Variants in GRID2 observed in about 807,000 individuals in gnomAD.
GRID2 encodes the protein glutamate ionotropic receptor delta type subunit 2.
A neutral mutation model predicts 114.8 loss-of-function variants in GRID2; 33 were observed. The observed-to-expected ratio is 0.29, with a 90% CI of 0.22 to 0.38. GRID2 has a LOEUF of 0.38. GRID2 is among the 10% of genes least tolerant of loss of function. The pLI is 1.00. For missense variants in GRID2, 1,184 were observed against 1,257.7 expected, an observed-to-expected ratio of 0.94 and a Z score of 0.89; for synonymous variants, 505 against 449.9, an observed-to-expected ratio of 1.12 and a Z score of -1.55.
intron 14 of GRID2, among the ~76,000 whole-genome samples, chr4:93,731,146 A>C (rs973667364): frequency 6.6e-6 from 1 of 152,320 alleles, no homozygotes; most frequent in Non-Finnish European, 1.5e-5. Flanking sequence ...TTTGTAAAAA[A>C]ACTTTGCTAA....
intron 8 of GRID2, among the ~76,000 whole-genome samples, chr4:93,308,979 C>T (rs1263297655): frequency 1.3e-5 from 2 of 152,208 alleles, no homozygotes; most frequent in East Asian, 3.9e-4. Flanking sequence ...GCCACACTAT[C>T]TAAAATGTTC....
intron 10 of GRID2, among the ~76,000 whole-genome samples, chr4:93,424,957 C>T (rs960942317): frequency 1.1e-4 from 16 of 152,068 alleles, no homozygotes; most frequent in African/African-American, 3.6e-4. Context: ...TAAGTCCTTT[C>T]AGTAGCTTTT....
chr4:93,682,134 A>C (rs1027899427), intron 14 of GRID2, among the ~76,000 whole-genome samples: 2 of 151,566 alleles, frequency 1.3e-5, no homozygotes, highest in Non-Finnish European at 2.9e-5. Context: ...ATGAACAGAC[A>C]CTTCTCAAAA....
intron 2 of GRID2, among the ~76,000 whole-genome samples, chr4:92,983,163 C>A (rs1754321422): frequency 6.6e-6 from 1 of 151,986 alleles, no homozygotes; most frequent in Admixed American, 6.6e-5. Context: ...ACACAAAATA[C>A]AACAATATTG....
chr4:93,275,431 C>T (rs1373996185), intron 8 of GRID2, among the ~76,000 whole-genome samples: 2 of 148,042 alleles, frequency 1.4e-5, no homozygotes, highest in South Asian at 2.1e-4. Context: ...TGGATATATA[C>T]ATATATATAT....
intron 14 of GRID2, among the ~76,000 whole-genome samples, chr4:93,693,336 C>T (rs1279742855): frequency 1.3e-5 from 2 of 152,064 alleles, no homozygotes; most frequent in South Asian, 2.1e-4. Context: ...TCTGCTTCGC[C>T]GTACTAGAAA....
chr4:93,685,006 T>C (rs1211757789), intron 14 of GRID2, among the ~76,000 whole-genome samples: 5 of 152,020 alleles, frequency 3.3e-5, no homozygotes, highest in African/African-American at 1.2e-4. Flanking sequence ...AAATGGCAAA[T>C]CTGTGGGAGT....
At chr4:93,446,824 G>A (rs1722138538) in intron 10 of GRID2, among the ~76,000 whole-genome samples, 1 of 151,872 alleles carries the variant, frequency 6.6e-6, no homozygotes, top group African/African-American at 2.4e-5. Flanking sequence ...AGTTTTGATA[G>A]AGAAGACTGA....
intron 1 of GRID2, among the ~76,000 whole-genome samples, chr4:92,555,199 C>T (rs1312440643): frequency 1.3e-5 from 2 of 152,148 alleles, no homozygotes; most frequent in East Asian, 3.9e-4. Context: ...AAGGCAGTTT[C>T]CCTCACTGAG....
chr4:93,315,945 A>G (rs535754312), intron 8 of GRID2, among the ~76,000 whole-genome samples: 57 of 152,218 alleles, frequency 3.7e-4, no homozygotes, highest in African/African-American at 1.3e-3. Context: ...AATTTATCAA[A>G]TTACCTAATT....
chr4:93,800,191 A>G (rs1734900631), intron 1 of GRID2, among the ~76,000 whole-genome samples: 1 of 152,224 alleles, frequency 6.6e-6, no homozygotes, highest in African/African-American at 2.4e-5. Context: ...TAGCACAAGT[A>G]AAATATATGA....
chr4:92,322,698 A>G (rs1325497427), intron 1 of GRID2, among the ~76,000 whole-genome samples: 1 of 152,104 alleles, frequency 6.6e-6, no homozygotes, highest in Non-Finnish European at 1.5e-5. Context: ...GCTCAGCCTC[A>G]ATGTTCCCCT....
intron 13 of GRID2, among the ~76,000 whole-genome samples, chr4:93,561,162 G>A (rs368336562): frequency 4.6e-5 from 7 of 152,130 alleles, no homozygotes; most frequent in East Asian, 1.9e-4. Flanking sequence ...ATTGGTTATC[G>A]GTTGCTGATT....
intron 5 of GRID2, among the ~76,000 whole-genome samples, chr4:93,215,617 C>T (rs1744119438): frequency 6.6e-6 from 1 of 151,974 alleles, no homozygotes; most frequent in African/African-American, 2.4e-5. Flanking sequence ...GGCTATTACA[C>T]TAGAGCTAGC....
intron 1 of GRID2, among the ~76,000 whole-genome samples, chr4:92,361,089 A>G (rs1484460990): frequency 6.6e-6 from 1 of 152,014 alleles, no homozygotes; most frequent in Admixed American, 6.6e-5. Flanking sequence ...GTGGTTTTAT[A>G]TTTCTTTAAC....
chr4:92,798,195 A>C (rs1309932889), intron 2 of GRID2, among the ~76,000 whole-genome samples: 2 of 152,036 alleles, frequency 1.3e-5, no homozygotes, highest in Non-Finnish European at 2.9e-5. Flanking sequence ...GATTTCAGAC[A>C]CGTTAACATG....
chr4:93,075,883 CTTTTTTTTT>C (rs10706922), intron 2 of GRID2, among the ~76,000 whole-genome samples: 57 of 76,566 alleles, frequency 7.4e-4, no homozygotes, highest in South Asian at 1.3e-3. Flanking sequence ...AGTTACCTCT[CTTTTTTTTT>C]TTTTTTTTTT....
chr4:93,745,619 AT>A (rs1245852918), intron 14 of GRID2, among the ~76,000 whole-genome samples: 2 of 152,098 alleles, frequency 1.3e-5, no homozygotes, highest in Admixed American at 6.6e-5. Context: ...CTCTTTTTAC[AT>A]TTGTACTTGA....
chr4:93,451,004 C>T (rs1580122345), intron 10 of GRID2, among the ~76,000 whole-genome samples: 1 of 151,574 alleles, frequency 6.6e-6, no homozygotes, highest in East Asian at 1.9e-4. Context: ...ATTTAAATAC[C>T]TCTCTCTGTT....
Sources: allele counts gnomAD v4.1 joint callset (sites outside exome capture counted in the v4.1 genomes callset), GRCh38; gene constraint gnomAD v4.1.1; transcripts MANE v1.5; gene names NCBI Gene and HGNC (gene_info 2026-07-23, HGNC 2026-07-21).